Variants in MARCHF4 observed in about 807,000 individuals in gnomAD.
MARCHF4 encodes the protein E3 ubiquitin-protein ligase MARCHF4.
MARCHF4 carries 14 observed loss-of-function variants against 43.9 expected under a neutral mutation model. The observed-to-expected ratio is 0.32, with a 90% CI of 0.21 to 0.50. The LOEUF is 0.50. Ranked by LOEUF, MARCHF4 falls within the 20% of genes least tolerant of loss-of-function variation. The pLI is 0.98. For missense variants in MARCHF4, 468 were observed against 536.7 expected (o/e 0.87, Z 1.27); for synonymous variants, 226 against 213.3 (o/e 1.06, Z -0.52).
chr2:216,326,704 C>A (rs1342600523), intron 1 of MARCHF4, among the ~76,000 whole-genome samples: 1 of 151,602 alleles, frequency 6.6e-6, no homozygotes, highest in Non-Finnish European at 1.5e-5. Flanking sequence ...AGTAAACTAT[C>A]GCAAGAACAA....
At chr2:216,323,104 A>G (rs1485084085) in intron 1 of MARCHF4, among the ~76,000 whole-genome samples, 1 of 152,188 alleles carries the variant, frequency 6.6e-6, no homozygotes, top group Non-Finnish European at 1.5e-5. Context: ...CCTAATATTG[A>G]ATAAGCAAAG....
chr2:216,354,964 TTTCTTTCTTTCTTTC>T lies in MARCHF4; in HGVS notation c.516+14766_516+14780del, dbSNP rs1397439378. ...CTTTCTTTCTTTCTTTCTTTCTTTC[TTTCTTTCTTTCTTTC>T]TTTCTTTTTTGAGACAGAGTCTAAC... On this transcript the variant is annotated intron_variant, in intron 1 of 3. Coordinates refer to ENST00000273067, the MANE Select transcript of MARCHF4 (RefSeq NM_020814.3). 2.1e-5 allele frequency among the ~76,000 whole-genome samples: 3 copies of T among 144,624 alleles called. No individual in the cohort carries two copies. The East Asian group carries it at 6.3e-4, about 30-fold the overall frequency. The allele number at this position is 144,624 out of a possible 152,430, so 94.9% of individuals were successfully genotyped here.
chr2:216,317,659 C>G (rs370384738), intron 1 of MARCHF4, among the ~76,000 whole-genome samples: 1 of 152,182 alleles, frequency 6.6e-6, no homozygotes, highest in Non-Finnish European at 1.5e-5. Context: ...AGTGATCCAC[C>G]CCCCTTGGCC....
At chr2:216,286,994 C>T (rs189534896) in intron 1 of MARCHF4, among the ~76,000 whole-genome samples, 4 of 152,316 alleles carry the variant, frequency 2.6e-5, no homozygotes, top group Admixed American at 2.6e-4. Flanking sequence ...TTAAATGACT[C>T]ACTCAAGGTC....
intron 1 of MARCHF4, among the ~76,000 whole-genome samples, chr2:216,353,396 G>A (rs1047713648): frequency 3.3e-5 from 5 of 152,186 alleles, no homozygotes; most frequent in African/African-American, 4.8e-5. Flanking sequence ...TCTGAGGCAG[G>A]AAAGGGGGTG....
At chr2:216,268,901 C>T (rs1450454040) in intron 3 of MARCHF4, among the ~76,000 whole-genome samples, 6 of 152,128 alleles carry the variant, frequency 3.9e-5, no homozygotes, top group East Asian at 3.8e-4. Context: ...AATGTTTGTA[C>T]AATCCTGCTG....
At chr2:216,340,995 G>A (rs1692227870) in intron 1 of MARCHF4, among the ~76,000 whole-genome samples, 3 of 152,060 alleles carry the variant, frequency 2.0e-5, no homozygotes, top group South Asian at 2.1e-4. Context: ...TGTGAACTAC[G>A]CCCAGTTGTC....
In MARCHF4 at chr2:216,287,711, T is replaced by A. The variant is rs554853811; in HGVS notation, c.517-3982A>T. Among the ~76,000 whole-genome samples the A allele has an allele frequency of 2.0e-5, 3 of 150,974 alleles. No homozygotes were observed. In the South Asian group the frequency reaches 6.3e-4, roughly 32 times the overall value. ...CTAAACGACGAGTTAATGGGTGCAG[T>A]ACACCAACATGGCACACGTATACAT... On this transcript the variant is annotated intron_variant, in intron 1 of 3. Transcript: ENST00000273067.
At chr2:216,264,718 C>A (rs531113474) in intron 3 of MARCHF4, among the ~76,000 whole-genome samples, 1 of 152,332 alleles carries the variant, frequency 6.6e-6, no homozygotes, top group East Asian at 1.9e-4. Flanking sequence ...TCTCAATTAG[C>A]TTCTTGATCA....
At chr2:216,324,772 T>G (rs1268506578) in intron 1 of MARCHF4, among the ~76,000 whole-genome samples, 2 of 116,096 alleles carry the variant, frequency 1.7e-5, no homozygotes. Flanking sequence ...ACAACATTCA[T>G]GCTAAAAACT....
chr2:216,281,365 A>G (rs770469263), intron 2 of MARCHF4, among the ~76,000 whole-genome samples: 8 of 152,116 alleles, frequency 5.3e-5, no homozygotes, highest in Non-Finnish European at 1.5e-5. Flanking sequence ...TGCCTGGCCT[A>G]TTTCTCATGA....
chr2:216,297,392 G>T (rs1691413665), intron 1 of MARCHF4, among the ~76,000 whole-genome samples: 1 of 152,134 alleles, frequency 6.6e-6, no homozygotes, highest in African/African-American at 2.4e-5. Context: ...ACCAACATGA[G>T]ACAGGGCCAA....
intron 1 of MARCHF4, among the ~76,000 whole-genome samples, chr2:216,361,937 T>C (rs1057389538): frequency 6.6e-6 from 1 of 152,222 alleles, no homozygotes; most frequent in Non-Finnish European, 1.5e-5. Flanking sequence ...TAATGCATCA[T>C]GTCAATTCCT....
chr2:216,305,360 A>G (rs1691567417), intron 1 of MARCHF4, among the ~76,000 whole-genome samples: 1 of 152,168 alleles, frequency 6.6e-6, no homozygotes, highest in Admixed American at 6.5e-5. Context: ...CTGAATGTGC[A>G]TGTGGTCATG....
At chr2:216,270,230 C>T (rs1690913555) in intron 3 of MARCHF4, among the ~76,000 whole-genome samples, 1 of 152,150 alleles carries the variant, frequency 6.6e-6, no homozygotes, top group African/African-American at 2.4e-5. Context: ...TGTGCACCAC[C>T]ATGCCTGGCT....
rs555479719 is a variant in MARCHF4, at chr2:216,339,196, C to T, written c.516+30549G>A. On this transcript the variant is annotated intron_variant, in intron 1 of 3. Transcript: ENST00000273067. ...TAGTCACCAATCCCCCCTTTCCTGGCACCCAACAGCAGTCTTGTCATTCTA... is the reference window on the plus strand; with the variant it reads ...TAGTCACCAATCCCCCCTTTCCTGGTACCCAACAGCAGTCTTGTCATTCTA... Among the ~76,000 whole-genome samples the T allele has an allele frequency of 3.9e-5, 6 of 152,294 alleles. No individual in the cohort carries two copies. The South Asian group carries it at 6.2e-4, about 16-fold the overall frequency.
intron 1 of MARCHF4, among the ~76,000 whole-genome samples, chr2:216,298,178 A>C (rs1209682803): frequency 7.1e-6 from 1 of 141,614 alleles, no homozygotes; most frequent in African/African-American, 2.6e-5. Flanking sequence ...GAAAAGTTCT[A>C]TTTTTAAATT....
At chr2:216,312,824 A>G (rs904003926) in intron 1 of MARCHF4, among the ~76,000 whole-genome samples, 20 of 152,034 alleles carry the variant, frequency 1.3e-4, no homozygotes, top group Admixed American at 2.6e-4. Flanking sequence ...CTCCCATTCT[A>G]TAGGTTGTCT....
chr2:216,283,982 T>C (rs1015163156), intron 1 of MARCHF4, among the ~76,000 whole-genome samples: 1 of 152,122 alleles, frequency 6.6e-6, no homozygotes, highest in Non-Finnish European at 1.5e-5. Context: ...TACTATTAAT[T>C]ACTAAGGTTC....
Sources: gnomAD v4.1 joint callset for allele counts (sites outside exome capture counted in the v4.1 genomes callset) on GRCh38, gnomAD v4.1.1 for gene constraint, MANE v1.5 for transcripts, NCBI Gene and HGNC (gene_info 2026-07-23, HGNC 2026-07-21) for gene names.